The following ARHGAP10 variants were observed in gnomAD, a reference collection of about 807,000 sequenced individuals.
ARHGAP10 encodes the protein Rho GTPase activating protein 10, also known as rho GTPase-activating protein 10.
ARHGAP10 carries 87 observed loss-of-function variants against 108.6 expected under a neutral mutation model. The observed-to-expected ratio is 0.80, with a 90% CI of 0.67 to 0.96. The LOEUF (loss-of-function observed/expected upper bound fraction) is 0.96, where lower values mean the gene tolerates loss of function less well. ARHGAP10 is among the 40% of genes least tolerant of loss of function. The probability of loss-of-function intolerance (pLI) is 0.00; values close to 1 mark genes in which losing one functional copy is unlikely to be tolerated. For synonymous variants in ARHGAP10, 347 were observed against 341.1 expected (o/e 1.02, Z -0.19); for missense variants, 939 against 954.5 (o/e 0.98, Z 0.21).
intron 10 of ARHGAP10, among the ~76,000 whole-genome samples, chr4:147,888,206 T>G (rs1053250184): frequency 6.6e-6 from 1 of 152,226 alleles, no homozygotes; most frequent in Non-Finnish European, 1.5e-5. Context: ...TCACTCACAC[T>G]TTTTTATGAC....
At chr4:147,830,268 C>G (rs1346275641) in intron 3 of ARHGAP10, among the ~76,000 whole-genome samples, 1 of 152,176 alleles carries the variant, frequency 6.6e-6, no homozygotes, top group Non-Finnish European at 1.5e-5. Context: ...AGGTACTAAG[C>G]TGCTGCATAC....
At chr4:147,799,225 G>A (rs1731478038) in intron 1 of ARHGAP10, among the ~76,000 whole-genome samples, 1 of 151,916 alleles carries the variant, frequency 6.6e-6, no homozygotes, top group African/African-American at 2.4e-5. Flanking sequence ...AGTAGAGACG[G>A]GATGGGGTTT....
At chr4:148,016,407 A>T (rs561497645) in intron 18 of ARHGAP10, among the ~76,000 whole-genome samples, 2 of 152,098 alleles carry the variant, frequency 1.3e-5, no homozygotes, top group Non-Finnish European at 2.9e-5. Flanking sequence ...AGAGGCTGAG[A>T]CAGGAGGATT....
intron 18 of ARHGAP10, among the ~76,000 whole-genome samples, chr4:148,019,249 G>A (rs1477777234): frequency 2.0e-5 from 3 of 152,220 alleles, no homozygotes; most frequent in Non-Finnish European, 2.9e-5. Context: ...TAGCAGTTGA[G>A]TGGAGTCATG....
intron 20 of ARHGAP10, among the ~76,000 whole-genome samples, chr4:148,052,518 T>C (rs1729191677): frequency 6.6e-6 from 1 of 151,144 alleles, no homozygotes; most frequent in Admixed American, 6.6e-5. Context: ...AGGAATGAAC[T>C]TCCCATTGCA....
At chr4:147,888,231 C>T (rs373311495) in intron 10 of ARHGAP10, among the ~76,000 whole-genome samples, 3 of 152,190 alleles carry the variant, frequency 2.0e-5, no homozygotes, top group South Asian at 4.1e-4. Context: ...TCCAGTCTTA[C>T]GACTTTATGT....
In ARHGAP10 at chr4:148,043,650, TA is replaced by T. The variant is rs1232479788; in HGVS notation, c.1868-3241del. On this transcript the variant is annotated intron_variant, in intron 19 of 22. Coordinates refer to ENST00000336498, the MANE Select transcript of ARHGAP10 (RefSeq NM_024605.4). ...ATATATATATATATATATATATATATATTTTAGGTGTATAAATATAGATATG... is the reference window on the plus strand; with the variant it reads ...ATATATATATATATATATATATATATTTTTAGGTGTATAAATATAGATATG... Among the ~76,000 whole-genome samples, 72 of 117,472 alleles carry T rather than the reference TA, an allele frequency of 6.1e-4. 4 individuals are homozygous for T. The highest frequency in any genetic ancestry group is 9.9e-4 in the Non-Finnish European group (56 of 56,580). 77.1% of individuals were successfully genotyped at this position (117,472 alleles called of 152,430 possible). A position where few individuals can be genotyped will look rare whatever the true frequency, so the allele number is the denominator to read the frequency against.
At chr4:147,935,221 G>T (rs919451273) in intron 13 of ARHGAP10, among the ~76,000 whole-genome samples, 1 of 152,162 alleles carries the variant, frequency 6.6e-6, no homozygotes, top group African/African-American at 2.4e-5. Context: ...GCCCGTCATG[G>T]ATGTGTGCGT....
At chr4:148,061,466 TA>T (rs147655346) in intron 20 of ARHGAP10, among the ~76,000 whole-genome samples, 6 of 151,050 alleles carry the variant, frequency 4.0e-5, no homozygotes, top group African/African-American at 4.8e-5. Context: ...CCTTTTCTGC[TA>T]AAAAAAAATG....
chr4:147,907,771 C>A (rs12643550), intron 11 of ARHGAP10, among the ~76,000 whole-genome samples: 33,111 of 152,016 alleles, frequency 0.22, 5,879 homozygotes, highest in African/African-American at 0.48. Flanking sequence ...CCACCCCCGC[C>A]AAAAACAAAG....
At chr4:147,951,447 G>T (rs1738596705) in intron 15 of ARHGAP10, among the ~76,000 whole-genome samples, 1 of 151,346 alleles carries the variant, frequency 6.6e-6, no homozygotes, top group African/African-American at 2.4e-5. Context: ...GGAATGTAGG[G>T]GGAAAAGGAG....
chr4:147,772,740 T>G (rs1435207559), intron 1 of ARHGAP10, among the ~76,000 whole-genome samples: 1 of 152,252 alleles, frequency 6.6e-6, no homozygotes, highest in Non-Finnish European at 1.5e-5. Flanking sequence ...ACAGAGTTTT[T>G]ACAGGCATTT....
chr4:147,960,100 AT>A (rs774706985), intron 16 of ARHGAP10, among the ~76,000 whole-genome samples: 3 of 152,070 alleles, frequency 2.0e-5, no homozygotes, highest in Non-Finnish European at 4.4e-5. Flanking sequence ...AAATTGTTAT[AT>A]TGTTTTTATT....
intron 3 of ARHGAP10, among the ~76,000 whole-genome samples, chr4:147,824,018 TA>T (rs201871737): frequency 6.6e-6 from 1 of 151,296 alleles, no homozygotes; most frequent in South Asian, 2.1e-4. Flanking sequence ...ATTTCAGGCT[TA>T]AAAAAAAACA....
intron 18 of ARHGAP10, among the ~76,000 whole-genome samples, chr4:147,980,342 A>G (rs1739766176): frequency 6.6e-6 from 1 of 152,094 alleles, no homozygotes; most frequent in South Asian, 2.1e-4. Context: ...AATCACATTT[A>G]TTGATTTGGG....
At chr4:148,065,997 G>A (rs1217344977) in intron 22 of ARHGAP10, among the ~76,000 whole-genome samples, 6 of 77,786 alleles carry the variant, frequency 7.7e-5, no homozygotes, top group Admixed American at 2.7e-4. Context: ...AAAAAAAAAA[G>A]GGTTGAGGGG....
chr4:147,781,963 A>G (rs1009785824), intron 1 of ARHGAP10, among the ~76,000 whole-genome samples: 1 of 152,068 alleles, frequency 6.6e-6, no homozygotes, highest in Non-Finnish European at 1.5e-5. Context: ...GTTGAGTTTC[A>G]TTGATTTCTG....
At chr4:148,046,649 T>C (rs1380338072) in intron 19 of ARHGAP10, among the ~76,000 whole-genome samples, 1 of 152,180 alleles carries the variant, frequency 6.6e-6, no homozygotes, top group Non-Finnish European at 1.5e-5. Flanking sequence ...TCTTCCATTA[T>C]CTGATTTTGA....
intron 1 of ARHGAP10, among the ~76,000 whole-genome samples, chr4:147,807,624 C>T (rs527472618): frequency 6.6e-6 from 1 of 151,016 alleles, no homozygotes; most frequent in Non-Finnish European, 1.5e-5. Context: ...CAAAAAAAGG[C>T]CATAAAGAGG....
Sources: gnomAD v4.1 joint callset for allele counts (sites outside exome capture counted in the v4.1 genomes callset) on GRCh38, gnomAD v4.1.1 for gene constraint, MANE v1.5 for transcripts, NCBI Gene and HGNC (gene_info 2026-07-23, HGNC 2026-07-21) for gene names.